The following LCK variants were observed in gnomAD, a reference collection of about 807,000 sequenced individuals.
LCK encodes the protein tyrosine-protein kinase Lck.
In LCK, 14 loss-of-function variants were observed where a neutral mutation model predicts 64.6. The ratio of observed to expected loss-of-function variants is 0.22; its 90% CI spans 0.14 to 0.34. The LOEUF (loss-of-function observed/expected upper bound fraction) is 0.34. LCK is among the 10% of genes least tolerant of loss of function. The pLI, the probability that LCK is intolerant of heterozygous loss-of-function variation, is 1.00. For missense variants in LCK, 434 were observed against 668.1 expected, an observed-to-expected ratio of 0.65 and a Z score of 3.86; for synonymous variants, 277 against 263.6, an observed-to-expected ratio of 1.05 and a Z score of -0.49.
At position 32,251,917 on chromosome 1, in the gene LCK, AG is replaced by A. The variant is rs1639516716; in HGVS notation, c.-6+547del. Among the ~76,000 whole-genome samples the A allele has an allele frequency of 4.6e-5, 7 of 151,866 alleles. No individual in the cohort carries two copies. Among genetic ancestry groups the A allele is most frequent in the Admixed American group, 3.9e-4 (6 of 15,224 alleles). ...GAAAGAGAGAGAGAGAGAGAGAGAG[AG>A]AGAGAGAGAGAGAGAGAGACAGAGA... On this transcript the variant is annotated intron_variant, in intron 1 of 12. Transcript: ENST00000336890. The surrounding 1 kb of genome is among the most constrained non-coding windows in gnomAD (Gnocchi z 4.0).
At chr1:32,264,463 C>T (rs900810295) in intron 1 of LCK, among the ~76,000 whole-genome samples, 1 of 151,794 alleles carries the variant, frequency 6.6e-6, no homozygotes, top group Admixed American at 6.6e-5. Context: ...TAGAGACCAG[C>T]CTGGGCAACG....
intron 1 of LCK, among the ~76,000 whole-genome samples, chr1:32,264,896 C>A (rs1569921730): frequency 6.6e-6 from 1 of 152,066 alleles, no homozygotes; most frequent in Non-Finnish European, 1.5e-5. Flanking sequence ...CTGCACCTGG[C>A]CTCAAGTTTA....
chr1:32,257,942 C>CT lies in LCK; in HGVS notation c.-6+6581dup, dbSNP rs1223836031. 6.1e-3 allele frequency among the ~76,000 whole-genome samples: 905 copies of CT among 148,020 alleles called. 5 individuals carry two copies. Among genetic ancestry groups the CT allele is most frequent in the African/African-American group, 0.021 (833 of 40,282 alleles). On this transcript the variant is annotated intron_variant, in intron 1 of 12. Transcript: ENST00000336890. ...CATTTTGTTTGCATCCAAAATAATG[C>CT]TTTTTTTTTTGTTCTCTCTGTGTCG...
intron 9 of LCK, chr1:32,279,436 T>C: frequency 1.6e-6 from 1 of 636,528 alleles, no homozygotes; most frequent in South Asian, 2.1e-5. Flanking sequence ...GGTTCTACCT[T>C]ATTGGTGATG....
Position 32,256,232 on chromosome 1 carries a change from G to A in LCK, c.-6+4861G>A, listed in dbSNP as rs374539974. 3.3e-5 allele frequency among the ~76,000 whole-genome samples: 5 copies of A among 151,916 alleles called. No individual in the cohort carries two copies. The East Asian group carries it at 5.9e-4, about 18-fold the overall frequency. On this transcript the variant is annotated intron_variant, in intron 1 of 12. Coordinates refer to ENST00000336890, the MANE Select transcript of LCK (RefSeq NM_005356.5). ...CAGCTCACTGCAACCTCTGTCTCCG[G>A]GTTCAAGCAATTCTCCTGCCTCAGC...
intron 1 of LCK, among the ~76,000 whole-genome samples, chr1:32,254,319 A>C (rs1235983541): frequency 2.0e-5 from 3 of 151,936 alleles, no homozygotes; most frequent in Non-Finnish European, 4.4e-5. Flanking sequence ...AGGAGTTCGA[A>C]ACCAGCCTGG....
At chr1:32,272,787 T>G (rs1366977324) in intron 1 of LCK, among the ~76,000 whole-genome samples, 2 of 148,274 alleles carry the variant, frequency 1.3e-5, no homozygotes, top group African/African-American at 5.0e-5. Flanking sequence ...TGGGGGTGCC[T>G]GTGTGTGGGT....
At chr1:32,266,696 C>G (rs1472739734) in intron 1 of LCK, among the ~76,000 whole-genome samples, 1 of 60,756 alleles carries the variant, frequency 1.6e-5, no homozygotes, top group African/African-American at 6.8e-5. Flanking sequence ...CCCCCTCCTC[C>G]CCATCCCCTT....
rs539280346 is a variant in LCK, at chr1:32,275,991, G to A, written c.559G>A (p.Asp187Asn). 15 of 1,614,124 alleles carry A rather than the reference G, an allele frequency of 9.3e-6. No individual in the cohort carries two copies. In the South Asian group the frequency reaches 1.5e-4, roughly 17 times the overall value. ...GAAACATTACAAGATCCGTAATCTG[G>A]ACAACGGTGGCTTCTACATCTCCCC... ...VVKHYKIRNL[D>N]NGGFYISPRI... The change falls in exon 7 of 13, where the codon GAC (aspartate) becomes AAC (asparagine). Residue 187 changes from aspartate (D) to asparagine (N), a missense_variant. Transcript: ENST00000336890. The surrounding 1 kb of genome is among the most constrained non-coding windows in gnomAD (Gnocchi z 6.9).
At chr1:32,255,453 G>C (rs1219664182) in intron 1 of LCK, among the ~76,000 whole-genome samples, 1 of 152,168 alleles carries the variant, frequency 6.6e-6, no homozygotes, top group Non-Finnish European at 1.5e-5. Context: ...GGTGTATGCG[G>C]GATGTCTTTC....
Position 32,280,443 on chromosome 1 carries a change from CTTTTTTTTTTTTTT to C in LCK, c.1327+250_1327+263del, listed in dbSNP as rs770430504. On this transcript the variant is annotated intron_variant, in intron 12 of 12. Coordinates refer to ENST00000336890, the MANE Select transcript of LCK (RefSeq NM_005356.5). The stretch of plus-strand genomic sequence containing the variant: ...TTTCTTTTTCTCTTTTTTTCTTTTT[CTTTTTTTTTTTTTT>C]TTTTTTTTTTTTTTTTGAGACGGAG... Among the ~76,000 whole-genome samples the C allele has an allele frequency of 2.8e-4, 24 of 84,760 alleles. No individual in the cohort carries two copies. In the South Asian group the frequency reaches 7.1e-3, roughly 25 times the overall value. The allele number at this position is 84,760 out of a possible 152,430, so 55.6% of individuals were successfully genotyped here. A position where few individuals can be genotyped will look rare whatever the true frequency, so the allele number is the denominator to read the frequency against.
rs972316093 is a variant in LCK, at chr1:32,259,984, C to A, written c.-6+8613C>A. 5.9e-5 allele frequency among the ~76,000 whole-genome samples: 9 copies of A among 151,712 alleles called. No homozygotes were observed. The East Asian group carries it at 9.6e-4, about 16-fold the overall frequency. ...GTCATTAATCAAGTCTGGGTCGGGG[C>A]AAAGGCGAAGAAAATGTTTTAAATG... On this transcript the variant is annotated intron_variant, in intron 1 of 12. Transcript: ENST00000336890.
At chr1:32,255,005 AT>A (rs1639596242) in intron 1 of LCK, among the ~76,000 whole-genome samples, 1 of 152,128 alleles carries the variant, frequency 6.6e-6, no homozygotes, top group South Asian at 2.1e-4. Flanking sequence ...TAAAAAAAAA[AT>A]AAAATTTAAA....
intron 1 of LCK, among the ~76,000 whole-genome samples, chr1:32,273,405 A>AGT (rs751618167): frequency 1.4e-5 from 2 of 147,096 alleles, no homozygotes; most frequent in East Asian, 2.0e-4. Flanking sequence ...GGTGTGTGTG[A>AGT]GTGTGTGTGT....
intron 1 of LCK, among the ~76,000 whole-genome samples, chr1:32,267,540 C>T (rs1227424614): frequency 2.6e-5 from 4 of 152,096 alleles, no homozygotes; most frequent in Non-Finnish European, 5.9e-5. Flanking sequence ...GAGGGCAGAT[C>T]ACCTGAAGTC....
chr1:32,279,533 C>A (rs770038009), intron 9 of LCK, 138 bp from the exon 10 acceptor site: 2 of 1,543,778 alleles, frequency 1.3e-6, no homozygotes, highest in South Asian at 1.2e-5. Context: ...TTACCCTGAA[C>A]ACACACTCCT....
chr1:32,274,152 G>A (rs969212348), intron 1 of LCK, 173 bp from the exon 2 acceptor site: 34 of 1,380,456 alleles, frequency 2.5e-5, no homozygotes, highest in African/African-American at 4.3e-5. Context: ...AGGGAGCACC[G>A]GTTTGGAGCT....
At chr1:32,284,247 C>CTGTGATATATATATATATATATATCTG (rs1640547002) in intron 12 of LCK, among the ~76,000 whole-genome samples, 3 of 144,616 alleles carry the variant, frequency 2.1e-5, no homozygotes, top group East Asian at 4.1e-4. Context: ...TTGATGCTTT[C>CTGTGATATATATATATATATATATCTG]TGTGATATAT....
intron 1 of LCK, among the ~76,000 whole-genome samples, chr1:32,263,571 T>C (rs764941848): frequency 3.3e-5 from 5 of 151,640 alleles, no homozygotes; most frequent in Non-Finnish European, 5.9e-5. Flanking sequence ...ACCTTGTCAC[T>C]GCAAAAAAGT....
Sources: gnomAD v4.1 joint callset for allele counts (sites outside exome capture counted in the v4.1 genomes callset) on GRCh38, gnomAD v4.1.1 for gene constraint, Gnocchi (gnomAD v3.1) non-coding constraint, MANE v1.5 for transcripts, NCBI Gene and HGNC (gene_info 2026-07-23, HGNC 2026-07-21) for gene names.